The following WNT5B variants were observed in gnomAD, a reference collection of about 807,000 sequenced individuals.
The protein encoded by WNT5B is Wnt family member 5B.
WNT5B carries 18 observed loss-of-function variants against 36.5 expected under a neutral mutation model. The observed-to-expected ratio is 0.49, with a 90% CI of 0.34 to 0.73. The LOEUF is 0.73. Ranked by LOEUF, WNT5B falls within the 30% of genes least tolerant of loss-of-function variation. The probability of loss-of-function intolerance (pLI) is 0.01; values close to 1 mark genes in which losing one functional copy is unlikely to be tolerated. For missense variants in WNT5B, 424 were observed against 508.4 expected (o/e 0.83, Z 1.60); for synonymous variants, 213 against 212.3 (o/e 1.00, Z -0.03).
chr12:1,636,859 G>A (rs1047255881), intron 3 of WNT5B, among the ~76,000 whole-genome samples: 1 of 151,908 alleles, frequency 6.6e-6, no homozygotes, highest in African/African-American at 2.4e-5. Context: ...GGGATTACAG[G>A]CGCCCGCCTG....
At chr12:1,638,855 C>T (rs1055970283) in intron 3 of WNT5B, among the ~76,000 whole-genome samples, 9 of 152,186 alleles carry the variant, frequency 5.9e-5, no homozygotes, top group African/African-American at 2.2e-4. Context: ...CTGCCACTGT[C>T]TAGCTAGATA....
At chr12:1,640,022 G>A (rs774264489) in intron 4 of WNT5B, 46 bp downstream of exon 4, 3 of 1,563,310 alleles carry the variant, frequency 1.9e-6, no homozygotes, top group Non-Finnish European at 2.6e-6. Context: ...GACCTAGGGG[G>A]CTGTTCCCGG....
At chr12:1,640,090 A>T in intron 4 of WNT5B, 114 bp downstream of exon 4, 3 of 1,266,188 alleles carry the variant, frequency 2.4e-6, no homozygotes, top group Non-Finnish European at 3.2e-6. Flanking sequence ...GACCGTGAAG[A>T]TTCTTACCTA....
In WNT5B at chr12:1,630,272, ACGGGGGCCCCGGAGGACCG is replaced by A. The variant is rs2094547922; in HGVS notation, c.-58+908_-58+926del. 1.0e-6 allele frequency: 1 copy of A among 981,480 alleles called. No individual in the cohort carries two copies. Among genetic ancestry groups the A allele is most frequent in the Non-Finnish European group, 1.2e-6 (1 of 826,558 alleles). The allele number at this position is 981,480 out of a possible 1,614,324, so 60.8% of individuals were successfully genotyped here. A position where few individuals can be genotyped will look rare whatever the true frequency, so the allele number is the denominator to read the frequency against. ...CGCTGGGGGCGCGGGTCACGCCCAG[ACGGGGGCCCCGGAGGACCG>A]CGGGGGAGCCGCAGGGGCCGTGTGT... On this transcript the variant is annotated intron_variant, in intron 1 of 4. Coordinates refer to ENST00000397196, the MANE Select transcript of WNT5B (RefSeq NM_032642.3). This position sits in a 1 kb window ranked among gnomAD's most constrained non-coding sequence, Gnocchi z 5.3.
At chr12:1,623,320 CGAG>C (rs1414587930) in intron 1 of WNT5B, among the ~76,000 whole-genome samples, 3 of 99,020 alleles carry the variant, frequency 3.0e-5, no homozygotes, top group African/African-American at 1.4e-4. Context: ...CTCAGCCTCC[CGAG>C]TAGCTGGGAC....
Position 1,631,338 on chromosome 12 carries a change from G to A in WNT5B, c.-17G>A, listed in dbSNP as rs747834972. The A allele has an allele frequency of 1.6e-5, 26 of 1,614,016 alleles. No homozygotes were observed. The Admixed American group carries it at 3.2e-4, about 20-fold the overall frequency. ...AAACTGTCAGTCCCAGGGCACTGGG[G>A]AGGGCTGAGGCCGACCATGCCCAGC... On this transcript the variant is annotated 5_prime_UTR_variant, in exon 2 of 5. Coordinates refer to ENST00000397196, the MANE Select transcript of WNT5B (RefSeq NM_032642.3).
Position 1,632,306 on chromosome 12 carries a change from T to A in WNT5B, c.81-352T>A, listed in dbSNP as rs2094552429. On this transcript the variant is annotated intron_variant, in intron 2 of 4. Coordinates refer to ENST00000397196, the MANE Select transcript of WNT5B (RefSeq NM_032642.3). This position sits in a 1 kb window ranked among gnomAD's most constrained non-coding sequence, Gnocchi z 5.8. The stretch of plus-strand genomic sequence containing the variant: ...GAAGAGCTGCTCCCCACCCCTCGTC[T>A]TCTTATCTGCCTGACCCCCATTCTT... Among the ~76,000 whole-genome samples the A allele has an allele frequency of 6.6e-6, 1 of 152,194 alleles. No homozygotes were observed. Among genetic ancestry groups the A allele is most frequent in the Non-Finnish European group, 1.5e-5 (1 of 68,040 alleles).
At chr12:1,628,322 A>T (rs796121312), upstream of WNT5B, among the ~76,000 whole-genome samples, 20 of 152,154 alleles carry the variant, frequency 1.3e-4, no homozygotes, top group African/African-American at 4.6e-4. Flanking sequence ...CATCTGGCTA[A>T]TTTTTATACT....
Position 1,646,103 on chromosome 12 carries a change from A to G in WNT5B, c.931A>G (p.Met311Val), listed in dbSNP as rs747154359. The change falls in exon 5 of 5, where the codon ATG becomes GTG. Residue 311 changes from methionine to valine, a missense_variant. Met to Val is a conservative substitution (Grantham distance 21, BLOSUM62 1). Transcript: ENST00000397196. ...CCTCTGCAACAAGACCTCGGAGGGCATGGATGGCTGTGAGCTCATGTGCTG... is the reference window on the plus strand; with the variant it reads ...CCTCTGCAACAAGACCTCGGAGGGCGTGGATGGCTGTGAGCTCATGTGCTG... ...GRLCNKTSEG[M>V]DGCELMCCGR... 2.5e-6 allele frequency: 4 copies of G among 1,614,030 alleles called. No homozygotes were observed. In the Admixed American group the frequency reaches 5.0e-5, roughly 20 times the overall value.
intron 3 of WNT5B, among the ~76,000 whole-genome samples, chr12:1,638,737 C>T (rs1165306941): frequency 6.6e-6 from 1 of 152,122 alleles, no homozygotes; most frequent in Non-Finnish European, 1.5e-5. Flanking sequence ...AGATGTTGTT[C>T]CCAGGGCTCC....
chr12:1,634,201 TGG>T (rs1167429268), intron 3 of WNT5B, among the ~76,000 whole-genome samples: 1 of 152,132 alleles, frequency 6.6e-6, no homozygotes. Context: ...AGAGTAGACT[TGG>T]GGTTTTAGTG....
chr12:1,626,410 T>G (rs1428160879), upstream of WNT5B, among the ~76,000 whole-genome samples: 4 of 149,614 alleles, frequency 2.7e-5, no homozygotes, highest in African/African-American at 9.9e-5. Context: ...ATTACAGGTA[T>G]GTGCCACCGT....
At chr12:1,625,273 G>A (rs1043105711), upstream of WNT5B, among the ~76,000 whole-genome samples, 6 of 152,212 alleles carry the variant, frequency 3.9e-5, no homozygotes, top group African/African-American at 9.7e-5. Context: ...ATGTGCACTT[G>A]TGAGTGAGAC....
chr12:1,635,419 A>G (rs1427526966), intron 3 of WNT5B, among the ~76,000 whole-genome samples: 1 of 152,276 alleles, frequency 6.6e-6, no homozygotes, highest in Non-Finnish European at 1.5e-5. Flanking sequence ...AACACTGAAG[A>G]GCTGTCAAAT....
At chr12:1,637,621 G>A (rs539956468) in intron 3 of WNT5B, among the ~76,000 whole-genome samples, 1 of 150,728 alleles carries the variant, frequency 6.6e-6, no homozygotes, top group South Asian at 2.1e-4. Flanking sequence ...GCGGTGGCAG[G>A]TGCCTGTAAT....
chr12:1,634,358 T>G (rs2270034), intron 3 of WNT5B, among the ~76,000 whole-genome samples: 8,934 of 152,280 alleles, frequency 0.059, 454 homozygotes, highest in East Asian at 0.23. Context: ...CTCTAATCTC[T>G]TCAGTGGAGT....
chr12:1,638,023 CG>C (rs2094565462), intron 3 of WNT5B, among the ~76,000 whole-genome samples: 2 of 152,142 alleles, frequency 1.3e-5, no homozygotes, highest in African/African-American at 4.8e-5. Flanking sequence ...CCCAGGCGGG[CG>C]GATCACGAGG....
At chr12:1,634,678 C>T (rs982097357) in intron 3 of WNT5B, among the ~76,000 whole-genome samples, 1 of 152,202 alleles carries the variant, frequency 6.6e-6, no homozygotes, top group Non-Finnish European at 1.5e-5. Flanking sequence ...CCCTTCCTCC[C>T]CCCTGAGCCC....
In WNT5B at chr12:1,633,200, G is replaced by A. The variant is rs1397006681; in HGVS notation, c.328+295G>A. Among the ~76,000 whole-genome samples the A allele has an allele frequency of 6.6e-6, 1 of 152,126 alleles. No individual in the cohort carries two copies. The highest frequency in any genetic ancestry group is 1.5e-5 in the Non-Finnish European group (1 of 68,020). Reference sequence around the variant, plus strand: ...GTTGCTTGGGACTCACTGAGAGGGGGCAGGACATCTGAGTTGACTTAGAGT... The same window carrying A: ...GTTGCTTGGGACTCACTGAGAGGGGACAGGACATCTGAGTTGACTTAGAGT... On this transcript the variant is annotated intron_variant, in intron 3 of 4. Coordinates refer to ENST00000397196, the MANE Select transcript of WNT5B (RefSeq NM_032642.3). The surrounding 1 kb of genome is among the most constrained non-coding windows in gnomAD (Gnocchi z 4.8).
Sources: gnomAD v4.1 joint callset for allele counts (sites outside exome capture counted in the v4.1 genomes callset) on GRCh38, gnomAD v4.1.1 for gene constraint, Gnocchi (gnomAD v3.1) non-coding constraint, MANE v1.5 for transcripts, NCBI Gene and HGNC (gene_info 2026-07-23, HGNC 2026-07-21) for gene names.